The following PEBP4 variants were observed in gnomAD, a reference collection of about 807,000 sequenced individuals.
The protein encoded by PEBP4 is phosphatidylethanolamine-binding protein 4.
PEBP4 carries 22 observed loss-of-function variants against 23.9 expected under a neutral mutation model. The observed-to-expected ratio is 0.92, with a 90% CI of 0.66 to 1.31. The LOEUF is 1.31. Ranked by LOEUF, PEBP4 falls within the 40% of genes most tolerant of loss-of-function variation. PEBP4 has a pLI of 0.00. For synonymous variants in PEBP4, 112 were observed against 99.3 expected, an observed-to-expected ratio of 1.13 and a Z score of -0.76; for missense variants, 324 against 281.7, an observed-to-expected ratio of 1.15 and a Z score of -1.07.
At chr8:22,937,973 CA>C (rs1335205336) in intron 1 of PEBP4, among the ~76,000 whole-genome samples, 3 of 152,094 alleles carry the variant, frequency 2.0e-5, no homozygotes, top group Admixed American at 6.6e-5. Flanking sequence ...GCTGAAACCA[CA>C]AAACTCTTAG....
At chr8:22,724,609 A>G (rs1225919129) in intron 6 of PEBP4, among the ~76,000 whole-genome samples, 3 of 152,138 alleles carry the variant, frequency 2.0e-5, no homozygotes, top group African/African-American at 7.2e-5. Context: ...CAACCCACCC[A>G]ACTGGAGCCT....
intron 6 of PEBP4, among the ~76,000 whole-genome samples, chr8:22,714,697 G>A (rs1305076882): frequency 6.6e-6 from 1 of 151,940 alleles, no homozygotes; most frequent in East Asian, 1.9e-4. Context: ...GCAAGGGGTT[G>A]GAAGCTCTCA....
chr8:22,806,417 G>A (rs981571628), intron 4 of PEBP4, among the ~76,000 whole-genome samples: 1 of 152,054 alleles, frequency 6.6e-6, no homozygotes, highest in Admixed American at 6.6e-5. Flanking sequence ...AGGAGTTCGA[G>A]ATCAGCCTGG....
chr8:22,831,287 T>TAAGACATTAATCAGC (rs1458376538), intron 3 of PEBP4, among the ~76,000 whole-genome samples: 1 of 152,224 alleles, frequency 6.6e-6, no homozygotes, highest in Non-Finnish European at 1.5e-5. Flanking sequence ...TTATAATCAG[T>TAAGACATTAATCAGC]AAGACATTAA....
Position 22,775,038 on chromosome 8 carries a change from G to A in PEBP4, c.357+42599C>T, listed in dbSNP as rs1260597051. ...GGCCAAGGGGCAAAGTGGTATCTGT[G>A]GAGCTGAGACCCAGGTTCAGTGCAG... On this transcript the variant is annotated intron_variant, in intron 4 of 6. Coordinates refer to ENST00000256404, the MANE Select transcript of PEBP4 (RefSeq NM_144962.3). The surrounding 1 kb of genome is among the most constrained non-coding windows in gnomAD (Gnocchi z 4.8). Among the ~76,000 whole-genome samples, 1 of 152,186 alleles carries A rather than the reference G, an allele frequency of 6.6e-6. No individual in the cohort carries two copies. The highest frequency in any genetic ancestry group is 1.5e-5 in the Non-Finnish European group (1 of 68,036).
chr8:22,893,772 GA>G (rs1808541875), intron 3 of PEBP4, among the ~76,000 whole-genome samples: 1 of 151,988 alleles, frequency 6.6e-6, no homozygotes, highest in Non-Finnish European at 1.5e-5. Flanking sequence ...AAAAAAGACT[GA>G]AAAAAACCCA....
intron 3 of PEBP4, among the ~76,000 whole-genome samples, chr8:22,878,502 A>G (rs1209985251): frequency 6.6e-6 from 1 of 152,202 alleles, no homozygotes; most frequent in Non-Finnish European, 1.5e-5. Context: ...CTGACACACC[A>G]AGTGACTGAG....
chr8:22,826,198 T>A (rs183748314), intron 3 of PEBP4, among the ~76,000 whole-genome samples: 1 of 152,274 alleles, frequency 6.6e-6, no homozygotes, highest in African/African-American at 2.4e-5. Flanking sequence ...CTTATCACAA[T>A]AAGATAAAAT....
rs76745901 is a variant in PEBP4 at position 22,902,743 on chromosome 8, A to C, written c.258+17441T>G. On this transcript the variant is annotated intron_variant, in intron 3 of 6. Transcript: ENST00000256404. ...GGAGGAGTTAAGTTTCCAACATGTC[A>C]CAGAGGATCAAACAGCCCTGAGGGT... Among the ~76,000 whole-genome samples the C allele has an allele frequency of 4.3e-3, 661 of 152,284 alleles. 2 individuals carry two copies. The highest frequency in any genetic ancestry group is 7.4e-3 in the Non-Finnish European group (502 of 68,014).
intron 4 of PEBP4, among the ~76,000 whole-genome samples, chr8:22,792,820 T>TG (rs76496192): frequency 0.26 from 39,055 of 151,592 alleles, 5,538 homozygotes; most frequent in African/African-American, 0.36. Flanking sequence ...CAGGGTGCCA[T>TG]GGGGCATTGC....
At position 22,840,392 on chromosome 8, in the gene PEBP4, T is replaced by C. The variant is rs556532087; in HGVS notation, c.259-22657A>G. ...TGGTTCTTTTCTTTTCTTAAAAAAA[T>C]TTTTTCTTCTTTTAATTTTTTTTTT... On this transcript the variant is annotated intron_variant, in intron 3 of 6. Transcript: ENST00000256404. Among the ~76,000 whole-genome samples the C allele has an allele frequency of 5.7e-3, 867 of 151,622 alleles. 9 individuals carry two copies. The highest frequency in any genetic ancestry group is 0.02 in the African/African-American group (835 of 41,314).
At chr8:22,810,545 G>A (rs1470808114) in intron 4 of PEBP4, among the ~76,000 whole-genome samples, 1 of 152,006 alleles carries the variant, frequency 6.6e-6, no homozygotes, top group Non-Finnish European at 1.5e-5. Flanking sequence ...TGGGCTGTTG[G>A]TCTTATACAT....
intron 1 of PEBP4, among the ~76,000 whole-genome samples, chr8:22,938,722 T>A (rs2128783641): frequency 6.6e-6 from 1 of 152,184 alleles, no homozygotes; most frequent in Middle Eastern, 3.4e-3. Flanking sequence ...TAGATGTGGG[T>A]CTCACTGAAG....
intron 3 of PEBP4, among the ~76,000 whole-genome samples, chr8:22,850,532 G>C (rs978613098): frequency 2.0e-5 from 3 of 152,090 alleles, no homozygotes; most frequent in Non-Finnish European, 4.4e-5. Flanking sequence ...GTTGTTCTTG[G>C]TCTGAAAACA....
intron 4 of PEBP4, among the ~76,000 whole-genome samples, chr8:22,738,230 T>C (rs1038876604): frequency 1.3e-5 from 2 of 151,902 alleles, no homozygotes; most frequent in African/African-American, 4.8e-5. Flanking sequence ...TCCTTCCTTC[T>C]CTCGCTGCTC....
intron 3 of PEBP4, among the ~76,000 whole-genome samples, chr8:22,909,693 C>T (rs928506483): frequency 1.3e-5 from 2 of 152,178 alleles, no homozygotes; most frequent in African/African-American, 4.8e-5. Flanking sequence ...GGGGCAGGAG[C>T]TTTGGAGGCT....
chr8:22,857,164 T>A (rs1807671062), intron 3 of PEBP4, among the ~76,000 whole-genome samples: 1 of 152,084 alleles, frequency 6.6e-6, no homozygotes, highest in South Asian at 2.1e-4. Flanking sequence ...CATTTAATTT[T>A]TTTCCCTTTC....
intron 4 of PEBP4, among the ~76,000 whole-genome samples, chr8:22,816,182 C>T (rs1207820234): frequency 6.6e-6 from 1 of 152,232 alleles, no homozygotes; most frequent in African/African-American, 2.4e-5. Context: ...AACCTCCCAG[C>T]TCTGTCCCTT....
intron 4 of PEBP4, among the ~76,000 whole-genome samples, chr8:22,785,690 C>T (rs1212456129): frequency 1.3e-5 from 2 of 152,168 alleles, no homozygotes; most frequent in African/African-American, 4.8e-5. Context: ...CCTCCCTGAG[C>T]CTGAGTCCTC....
Sources: allele counts gnomAD v4.1 joint callset (sites outside exome capture counted in the v4.1 genomes callset), GRCh38; gene constraint gnomAD v4.1.1; non-coding constraint Gnocchi (gnomAD v3.1); transcripts MANE v1.5; gene names NCBI Gene and HGNC (gene_info 2026-07-23, HGNC 2026-07-21).